Variants in CDH15 observed in about 807,000 individuals in gnomAD.
CDH15 encodes cadherin 15, also known as cadherin-15.
A neutral mutation model predicts 69.4 loss-of-function variants in CDH15; 73 were observed. That is an observed-to-expected ratio of 1.05 (90% CI 0.87 to 1.28). The LOEUF is 1.28. CDH15 is among the 50% of genes most tolerant of loss of function. The pLI is 0.00. For missense variants in CDH15, 1,343 were observed against 1,133.6 expected (o/e 1.18, Z -2.65); for synonymous variants, 624 against 507.7 (o/e 1.23, Z -3.08).
chr16:89,191,233 CTG>C, intron 8 of CDH15, 95 bp from the exon 9 acceptor site: 3 of 1,380,426 alleles, frequency 2.2e-6, no homozygotes, highest in South Asian at 1.2e-5. Flanking sequence ...ATGTGTGTGC[CTG>C]TGTGTGTGCA....
Position 89,179,434 on chromosome 16 carries a change from G to C in CDH15, c.61G>C (p.Gly21Arg), listed in dbSNP as rs976584101. 6.2e-7 allele frequency: 1 copy of C among 1,613,522 alleles called. No homozygotes were observed. Among genetic ancestry groups the C allele is most frequent in the Non-Finnish European group, 8.5e-7 (1 of 1,179,922 alleles). ...LLAQSLCLSL[G>R]VPGWRRPTTL... ...GTTGCAGAGCCTCTGCCTGTCTTTG[G>C]GGGTTCCTGGATGGAGGAGGCCCAC... is the stretch of plus-strand genomic sequence containing the variant. Residue 21 changes from glycine to arginine, a missense_variant, in exon 2 of 14, where the codon GGG (glycine) becomes CGG (arginine). Transcript: ENST00000289746.
intron 5 of CDH15, 46 bp downstream of exon 5, chr16:89,185,379 C>T: frequency 6.4e-7 from 1 of 1,553,500 alleles, no homozygotes; most frequent in Non-Finnish European, 8.7e-7. Context: ...GCCAGGGCAG[C>T]CCATCTCCTG....
chr16:89,190,564 T>G (rs530300338), intron 8 of CDH15, 68 bp downstream of exon 8: 6 of 1,535,342 alleles, frequency 3.9e-6, no homozygotes, highest in Non-Finnish European at 5.3e-6. Context: ...CGGGTGCCCC[T>G]GATCCCTGGG....
chr16:89,185,423 A>T, intron 5 of CDH15, 90 bp downstream of exon 5: 1 of 1,404,382 alleles, frequency 7.1e-7, no homozygotes, highest in South Asian at 1.2e-5. Flanking sequence ...CCCACCCCAG[A>T]CGCTCCTGTC....
intron 9 of CDH15, 22 bp from the exon 10 acceptor site, chr16:89,191,633 G>A (rs773355147): frequency 1.3e-6 from 2 of 1,571,334 alleles, no homozygotes; most frequent in Non-Finnish European, 1.7e-6. Flanking sequence ...GGGTCACTAA[G>A]CCGCGGCCTC....
In CDH15 at chr16:89,180,081, C is replaced by T. The variant is rs559811135; in HGVS notation, c.202-119C>T. On this transcript the variant is annotated intron_variant, in intron 2 of 13. Transcript: ENST00000289746. ...TCATTGGGTACCAGGATCCGTCCTC[C>T]AGTCCTAGGAGACTTAGACCTGCCC... The T allele has an allele frequency of 2.4e-5, 27 of 1,106,386 alleles. 1 individual carries two copies. The South Asian group carries it at 3.2e-4, about 13-fold the overall frequency. The allele number at this position is 1,106,386 out of a possible 1,614,324, so 68.5% of individuals were successfully genotyped here. A position where few individuals can be genotyped will look rare whatever the true frequency, so the allele number is the denominator to read the frequency against.
chr16:89,194,018 G>A, intron 13 of CDH15, 105 bp downstream of exon 13: 1 of 1,265,980 alleles, frequency 7.9e-7, no homozygotes, highest in Non-Finnish European at 1.1e-6. Flanking sequence ...GCGCCTGCAT[G>A]CACTTATGGG....
At chr16:89,184,071 G>A (rs1185284053) in intron 4 of CDH15, among the ~76,000 whole-genome samples, 1 of 152,186 alleles carries the variant, frequency 6.6e-6, no homozygotes, top group Non-Finnish European at 1.5e-5. Context: ...AGGCTGACCT[G>A]TAAGCTCCAG....
chr16:89,181,158 G>A (rs1384564389), intron 3 of CDH15, among the ~76,000 whole-genome samples: 1 of 152,056 alleles, frequency 6.6e-6, no homozygotes, highest in Non-Finnish European at 1.5e-5. Flanking sequence ...TAGTAGAGAT[G>A]GGGTTTCACC....
intron 11 of CDH15, 77 bp from the exon 12 acceptor site, chr16:89,193,393 T>G (rs1453715909): frequency 2.7e-6 from 1 of 367,092 alleles, no homozygotes; most frequent in Non-Finnish European, 4.2e-6. Flanking sequence ...CGCCCCCTCC[T>G]CCCACCTCCT....
At chr16:89,180,128 C>T in intron 2 of CDH15, 72 bp from the exon 3 acceptor site, 1 of 1,553,564 alleles carries the variant, frequency 6.4e-7, no homozygotes, top group Non-Finnish European at 8.8e-7. Flanking sequence ...GGGGAGGGGC[C>T]TGAGGGGCTG....
rs868279691 is a variant in CDH15 at position 89,191,318 on chromosome 16, C to A, written c.1233-12C>A. ...TAAACTCAGATCCCACTCTTCCCCT[C>A]CCCTGCATCAGCTACTCCAAGGACT... On this transcript the variant is annotated splice_polypyrimidine_tract_variant and intron_variant, in intron 8 of 13. Transcript: ENST00000289746. The A allele has an allele frequency of 5.0e-6, 8 of 1,612,756 alleles. No homozygotes were observed. The highest frequency in any genetic ancestry group is 1.6e-4 in the Middle Eastern group (1 of 6,062).
At chr16:89,192,528 G>A in intron 11 of CDH15, 84 bp downstream of exon 11, 1 of 1,479,670 alleles carries the variant, frequency 6.8e-7, no homozygotes, top group Non-Finnish European at 9.1e-7. Context: ...CAGCCACGCC[G>A]CTTCCTCCCC....
In CDH15 at chr16:89,192,195, C is replaced by T. The variant is rs983258883; in HGVS notation, c.1616-10C>T. ...GGGAGGCCCTCGCTCACCACAGGCG[C>T]CCTCCGCAGTGAGCCACGCGCGCCT... is the stretch of plus-strand genomic sequence containing the variant. On this transcript the variant is annotated splice_polypyrimidine_tract_variant and intron_variant, in intron 10 of 13. Coordinates refer to ENST00000289746, the MANE Select transcript of CDH15 (RefSeq NM_004933.3). 1 of 1,528,416 alleles carries T rather than the reference C, an allele frequency of 6.5e-7. No individual in the cohort carries two copies. The highest frequency in any genetic ancestry group is 8.7e-7 in the Non-Finnish European group (1 of 1,143,996). The allele number at this position is 1,528,416 out of a possible 1,614,324, so 94.7% of individuals were successfully genotyped here.
Position 89,191,736 on chromosome 16 carries a change from C to A in CDH15, c.1457C>A (p.Pro486Gln), listed in dbSNP as rs1291742051. Residue 486 changes from proline to glutamine, a missense_variant, in exon 10 of 14, where the codon CCG (proline) becomes CAG (glutamine). Pro to Gln is a moderately conservative substitution (Grantham distance 76, BLOSUM62 -1). Coordinates refer to ENST00000289746, the MANE Select transcript of CDH15 (RefSeq NM_004933.3). ...GACCATGCACCTGTGCTGGCCCCGC[C>A]GCCGCCGGGCAGCCTGTGCAGCGAG... ...VNDHAPVLAP[P>Q]PPGSLCSEPH... 1 of 1,604,254 alleles carries A rather than the reference C, an allele frequency of 6.2e-7. No individual in the cohort carries two copies. The highest frequency in any genetic ancestry group is 8.5e-7 in the Non-Finnish European group (1 of 1,179,180).
intron 1 of CDH15, among the ~76,000 whole-genome samples, chr16:89,177,144 G>A (rs766077085): frequency 6.1e-5 from 9 of 147,506 alleles, no homozygotes; most frequent in Admixed American, 5.4e-4. Flanking sequence ...TCACTGGGAC[G>A]ATGCAGACGC....
chr16:89,191,201 TG>T, intron 8 of CDH15, 128 bp from the exon 9 acceptor site: 1 of 1,021,492 alleles, frequency 9.8e-7, no homozygotes, highest in East Asian at 2.5e-5. Flanking sequence ...GTTGTGTGCA[TG>T]TGTGCATGCA....
intron 7 of CDH15, among the ~76,000 whole-genome samples, chr16:89,188,819 CAG>C (rs1269582500): frequency 1.4e-4 from 13 of 91,214 alleles, no homozygotes; most frequent in Non-Finnish European, 2.5e-4. Flanking sequence ...TGCTGGCACA[CAG>C]ATGCCCACGC....
At chr16:89,185,073 C>T (rs1271836239) in intron 4 of CDH15, 100 bp from the exon 5 acceptor site, 31 of 1,185,860 alleles carry the variant, frequency 2.6e-5, no homozygotes, top group African/African-American at 4.5e-5. Flanking sequence ...GTGCTGGAAC[C>T]GGGGAGCCTG....
Sources: allele counts gnomAD v4.1 joint callset (sites outside exome capture counted in the v4.1 genomes callset), GRCh38; gene constraint gnomAD v4.1.1; transcripts MANE v1.5; gene names NCBI Gene and HGNC (gene_info 2026-07-23, HGNC 2026-07-21).